Variants in SORCS2 observed in about 807,000 individuals in gnomAD.
The protein encoded by SORCS2 is VPS10 domain-containing receptor SorCS2.
In SORCS2, 100 loss-of-function variants were observed where a neutral mutation model predicts 141.6. The observed-to-expected ratio is 0.71, with a 90% CI of 0.60 to 0.83. The LOEUF (loss-of-function observed/expected upper bound fraction) is 0.83, where lower values mean the gene tolerates loss of function less well. Among genes scored for constraint, SORCS2 ranks in the 40% least tolerant of loss-of-function variants. The pLI is 0.00. For synonymous variants in SORCS2, 789 were observed against 676.9 expected, an observed-to-expected ratio of 1.17 and a Z score of -2.57; for missense variants, 1,646 against 1,560.2, an observed-to-expected ratio of 1.05 and a Z score of -0.93.
intron 13 of SORCS2, among the ~76,000 whole-genome samples, 175 bp downstream of exon 13, chr4:7,703,546 T>C (rs1435409709): frequency 2.0e-5 from 3 of 152,142 alleles, no homozygotes; most frequent in African/African-American, 4.8e-5. Context: ...AAACCTTTCC[T>C]GAGGGGTCGT....
At chr4:7,303,886 G>C (rs1271240683) in intron 1 of SORCS2, among the ~76,000 whole-genome samples, 6 of 152,272 alleles carry the variant, frequency 3.9e-5, no homozygotes. Context: ...AGAGTGTGGG[G>C]AGAGAAAGGA....
intron 3 of SORCS2, among the ~76,000 whole-genome samples, chr4:7,626,971 T>C (rs549620620): frequency 9.2e-5 from 14 of 152,280 alleles, no homozygotes; most frequent in African/African-American, 3.4e-4. Context: ...TTATTTATTT[T>C]TTATTCATTT....
chr4:7,207,657 G>A lies in SORCS2; in HGVS notation c.480+14531G>A, dbSNP rs571197677. On this transcript the variant is annotated intron_variant, in intron 1 of 26. Coordinates refer to ENST00000507866, the MANE Select transcript of SORCS2 (RefSeq NM_020777.3). ...CAGGAGCGAGCTTCTTCAGTCCCAG[G>A]GAAGACTGCACTGTTGTCCCCTAAT... 5.9e-5 allele frequency among the ~76,000 whole-genome samples: 9 copies of A among 152,316 alleles called. No homozygotes were observed. The South Asian group carries it at 1.9e-3, about 32-fold the overall frequency.
chr4:7,617,503 G>A (rs891457955), intron 3 of SORCS2, among the ~76,000 whole-genome samples: 2 of 152,170 alleles, frequency 1.3e-5, no homozygotes, highest in African/African-American at 2.4e-5. Flanking sequence ...ACGTCAAGGA[G>A]CTCACAGCCC....
chr4:7,600,654 TATACAC>T lies in SORCS2; in HGVS notation c.649-37672_649-37667del, dbSNP rs780771571. On this transcript the variant is annotated intron_variant, in intron 3 of 26. Coordinates refer to ENST00000507866, the MANE Select transcript of SORCS2 (RefSeq NM_020777.3). ...TTTTAGATTACGATATACATATATA[TATACAC>T]ACACACACACACACACACACACACA... Among the ~76,000 whole-genome samples the T allele has an allele frequency of 6.9e-3, 640 of 92,706 alleles. 3 individuals carry two copies. The highest frequency in any genetic ancestry group is 0.018 in the East Asian group (59 of 3,216). 60.8% of individuals were successfully genotyped at this position (92,706 alleles called of 152,430 possible).
chr4:7,587,289 C>T (rs1264892992), intron 3 of SORCS2, among the ~76,000 whole-genome samples: 1 of 152,180 alleles, frequency 6.6e-6, no homozygotes, highest in East Asian at 1.9e-4. Context: ...CACAGCCTGG[C>T]TGCCACTCTG....
intron 10 of SORCS2, among the ~76,000 whole-genome samples, chr4:7,687,099 G>A (rs1048162975): frequency 3.3e-5 from 5 of 152,202 alleles, no homozygotes; most frequent in South Asian, 2.1e-4. Flanking sequence ...ACAGCTCATC[G>A]GGGGAACGGG....
intron 1 of SORCS2, among the ~76,000 whole-genome samples, chr4:7,315,917 G>A (rs7685891): frequency 0.32 from 48,150 of 151,932 alleles, 7,845 homozygotes; most frequent in South Asian, 0.44. Flanking sequence ...GCCTCCATCT[G>A]TCACCATCCA....
chr4:7,219,574 TC>T (rs1315715766), intron 1 of SORCS2, among the ~76,000 whole-genome samples: 1 of 152,206 alleles, frequency 6.6e-6, no homozygotes, highest in East Asian at 1.9e-4. Flanking sequence ...CAAGGCGACT[TC>T]TTCACAAGGC....
intron 26 of SORCS2, among the ~76,000 whole-genome samples, chr4:7,739,758 A>T (rs2148908764): frequency 6.6e-6 from 1 of 152,170 alleles, no homozygotes; most frequent in Admixed American, 6.5e-5. Flanking sequence ...CCCACCCGGG[A>T]CACCCGGCTC....
chr4:7,322,608 C>T (rs910216773), intron 1 of SORCS2, among the ~76,000 whole-genome samples: 6 of 152,294 alleles, frequency 3.9e-5, no homozygotes, highest in Middle Eastern at 3.4e-3. Flanking sequence ...GGAGGAGGGG[C>T]GCAGACACCC....
chr4:7,708,321 T>C (rs1381941153), intron 14 of SORCS2, among the ~76,000 whole-genome samples: 2 of 152,088 alleles, frequency 1.3e-5, no homozygotes, highest in African/African-American at 4.8e-5. Flanking sequence ...TCCCAGGCCA[T>C]GCATTGTGGT....
At chr4:7,352,872 C>A (rs969313068) in intron 1 of SORCS2, among the ~76,000 whole-genome samples, 24 of 152,146 alleles carry the variant, frequency 1.6e-4, no homozygotes, top group African/African-American at 5.1e-4. Flanking sequence ...ACTCTGACCC[C>A]CATGTAGGTG....
At chr4:7,573,703 G>A (rs1458844833) in intron 3 of SORCS2, among the ~76,000 whole-genome samples, 1 of 152,178 alleles carries the variant, frequency 6.6e-6, no homozygotes, top group Non-Finnish European at 1.5e-5. Context: ...AGGACAAAAG[G>A]AGGGGTGAAG....
chr4:7,463,446 A>G (rs1399541848), intron 2 of SORCS2, among the ~76,000 whole-genome samples: 1 of 152,180 alleles, frequency 6.6e-6, no homozygotes, highest in East Asian at 1.9e-4. Flanking sequence ...GGTACTTAGT[A>G]AATGTTTCCT....
At chr4:7,681,206 G>A (rs760838996) in intron 9 of SORCS2, among the ~76,000 whole-genome samples, 2 of 152,166 alleles carry the variant, frequency 1.3e-5, no homozygotes, top group African/African-American at 4.8e-5. Flanking sequence ...GCCACATCCC[G>A]AGCCCCAGAA....
intron 11 of SORCS2, among the ~76,000 whole-genome samples, chr4:7,691,770 A>G (rs747786779): frequency 4.9e-4 from 75 of 152,072 alleles, no homozygotes; most frequent in Non-Finnish European, 9.3e-4. Flanking sequence ...TTTAAAATGC[A>G]CTGTCTTGAT....
chr4:7,493,328 G>A (rs915841924), intron 2 of SORCS2, among the ~76,000 whole-genome samples: 3 of 152,196 alleles, frequency 2.0e-5, no homozygotes, highest in Non-Finnish European at 4.4e-5. Context: ...AGATGGGTTG[G>A]CGAATCCCAT....
intron 1 of SORCS2, among the ~76,000 whole-genome samples, chr4:7,211,596 C>A (rs10025643): frequency 0.31 from 47,485 of 152,012 alleles, 7,708 homozygotes; most frequent in East Asian, 0.41. Flanking sequence ...TGGTCTCGAA[C>A]TCCTGATCTC....
Sources: gnomAD v4.1 joint callset for allele counts (sites outside exome capture counted in the v4.1 genomes callset) on GRCh38, gnomAD v4.1.1 for gene constraint, MANE v1.5 for transcripts, NCBI Gene and HGNC (gene_info 2026-07-23, HGNC 2026-07-21) for gene names.